The following FBXW10B variants were observed in gnomAD, a reference collection of about 807,000 sequenced individuals.
The protein encoded by FBXW10B is F-box and WD repeat domain containing protein 10B.
the FBXW10B span, among the ~76,000 whole-genome samples, chr17:15,566,708 C>A: frequency 6.6e-6 from 1 of 151,684 alleles, no homozygotes; most frequent in African/African-American, 2.4e-5. Context: ...CTACAGGCGT[C>A]CGCCACCATG....
chr17:15,565,579 T>G, the FBXW10B span: 5 of 1,614,102 alleles, frequency 3.1e-6, no homozygotes, highest in Non-Finnish European at 4.2e-6. Flanking sequence ...TGTTTTCCCT[T>G]GCTTCGTGAA....
the FBXW10B span, among the ~76,000 whole-genome samples, chr17:15,606,165 A>G: frequency 7.2e-6 from 1 of 138,924 alleles, no homozygotes; most frequent in Non-Finnish European, 1.5e-5. Context: ...TTGGCCTCAA[A>G]CGATCTTCCT....
At chr17:15,611,555 C>T in the FBXW10B span, among the ~76,000 whole-genome samples, 33 of 152,192 alleles carry the variant, frequency 2.2e-4, no homozygotes, top group African/African-American at 7.7e-4. Flanking sequence ...ACAGCCACAC[C>T]GTCCGCTACT....
At chr17:15,600,983 G>A in the FBXW10B span, among the ~76,000 whole-genome samples, 11 of 115,710 alleles carry the variant, frequency 9.5e-5, no homozygotes, top group South Asian at 9.4e-4. Context: ...TCAGGGAGTC[G>A]GAGGTTACAG....
chr17:15,570,313 T>C, the FBXW10B span, among the ~76,000 whole-genome samples: 1 of 152,302 alleles, frequency 6.6e-6, no homozygotes, highest in African/African-American at 2.4e-5. Context: ...GCTGTAGACC[T>C]TGACAGACAG....
At chr17:15,608,162 ATT>A in the FBXW10B span, among the ~76,000 whole-genome samples, 20 of 131,810 alleles carry the variant, frequency 1.5e-4, no homozygotes, top group African/African-American at 3.4e-4. Flanking sequence ...ATGCATTTGC[ATT>A]TTTTTTTTTT....
chr17:15,602,838 A>C, the FBXW10B span, among the ~76,000 whole-genome samples: 1 of 122,568 alleles, frequency 8.2e-6, no homozygotes. Context: ...CGTGTTAGCC[A>C]GGATGGTCTC....
the FBXW10B span, among the ~76,000 whole-genome samples, chr17:15,603,936 C>T: frequency 2.9e-5 from 4 of 140,264 alleles, no homozygotes; most frequent in East Asian, 6.9e-4. Context: ...AAAAAATAGC[C>T]TGGTGTGGTG....
the FBXW10B span, chr17:15,613,742 C>T: frequency 6.2e-7 from 1 of 1,611,698 alleles, no homozygotes; most frequent in South Asian, 1.1e-5. Context: ...ATCCAGCATT[C>T]CTGGAAAAAA....
chr17:15,611,902 T>C, the FBXW10B span, among the ~76,000 whole-genome samples: 73 of 152,280 alleles, frequency 4.8e-4, no homozygotes, highest in African/African-American at 1.7e-3. Context: ...TTAATTAACT[T>C]TCCCCTTCCA....
At chr17:15,573,937 T>G in the FBXW10B span, 1 of 467,666 alleles carries the variant, frequency 2.1e-6, no homozygotes, top group Non-Finnish European at 3.8e-6. Context: ...CATTGTCATT[T>G]GTTTCATTTT....
chr17:15,615,956 C>T, the FBXW10B span: 1 of 1,303,630 alleles, frequency 7.7e-7, no homozygotes, highest in East Asian at 2.6e-5. Context: ...TTATTTGGGG[C>T]CTCCAAACTT....
the FBXW10B span, chr17:15,615,903 T>C: frequency 6.5e-7 from 1 of 1,539,156 alleles, no homozygotes; most frequent in African/African-American, 1.4e-5. Flanking sequence ...TTCTTCCTTC[T>C]TTTAAAGATG....
the FBXW10B span, among the ~76,000 whole-genome samples, chr17:15,606,266 T>G: frequency 7.1e-6 from 1 of 140,608 alleles, no homozygotes; most frequent in Non-Finnish European, 1.5e-5. Flanking sequence ...GACTGCAGAC[T>G]AGAGAGGGAT....
the FBXW10B span, among the ~76,000 whole-genome samples, chr17:15,616,905 A>G: frequency 1.3e-4 from 20 of 151,988 alleles, no homozygotes; most frequent in East Asian, 1.6e-3. Flanking sequence ...CCTATGGTGA[A>G]TGGGATGAAG....
the FBXW10B span, among the ~76,000 whole-genome samples, chr17:15,610,336 T>A: frequency 6.6e-6 from 1 of 152,138 alleles, no homozygotes; most frequent in Non-Finnish European, 1.5e-5. Flanking sequence ...GGAGAGTTTA[T>A]CAGATGCTTG....
the FBXW10B span, chr17:15,598,455 A>G: frequency 6.2e-7 from 1 of 1,610,890 alleles, no homozygotes; most frequent in Non-Finnish European, 8.5e-7. Context: ...GCCTATAGAA[A>G]TGAGCAAAAC....
At chr17:15,598,193 C>T in the FBXW10B span, among the ~76,000 whole-genome samples, 2 of 152,026 alleles carry the variant, frequency 1.3e-5, no homozygotes, top group East Asian at 3.8e-4. Context: ...TATTATATTC[C>T]CCACTATATA....
the FBXW10B span, among the ~76,000 whole-genome samples, chr17:15,578,984 G>T: frequency 6.6e-6 from 1 of 151,892 alleles, no homozygotes; most frequent in Admixed American, 6.6e-5. Context: ...TGTAGATCTG[G>T]TTTGTTTTCT....
Sources: gnomAD v4.1 joint callset for allele counts (sites outside exome capture counted in the v4.1 genomes callset) on GRCh38, gnomAD v4.1.1 for gene constraint, MANE v1.5 for transcripts, NCBI Gene and HGNC (gene_info 2026-07-23, HGNC 2026-07-21) for gene names.